CDH2: variants seen among roughly 807,000 people sequenced by gnomAD.
The protein encoded by CDH2 is cadherin-2.
A neutral mutation model predicts 92.0 loss-of-function variants in CDH2; 17 were observed. That is an observed-to-expected ratio of 0.18 (90% CI 0.13 to 0.28). The LOEUF (loss-of-function observed/expected upper bound fraction) is 0.28, where lower values mean the gene tolerates loss of function less well. Ranked by LOEUF, CDH2 falls within the 10% of genes least tolerant of loss-of-function variation. The pLI is 1.00. For missense variants in CDH2, 862 were observed against 1,133.1 expected (o/e 0.76, Z 3.44); for synonymous variants, 419 against 415.9 (o/e 1.01, Z -0.09).
At chr18:27,947,828 G>A (rs1379018803), downstream of CDH2, among the ~76,000 whole-genome samples, 1 of 151,934 alleles carries the variant, frequency 6.6e-6, no homozygotes, top group Non-Finnish European at 1.5e-5. Context: ...ATAAGTGTAT[G>A]TGATATAAGT....
At chr18:28,048,982 T>C (rs1159166531) in intron 2 of CDH2, among the ~76,000 whole-genome samples, 1 of 152,182 alleles carries the variant, frequency 6.6e-6, no homozygotes. Flanking sequence ...CACTCCAGCA[T>C]GAACCTAGAG....
At chr18:28,157,406 A>G (rs1045036831) in intron 1 of CDH2, among the ~76,000 whole-genome samples, 4 of 152,228 alleles carry the variant, frequency 2.6e-5, no homozygotes, top group East Asian at 1.9e-4. Flanking sequence ...TCCATGCAAT[A>G]TATCTTAAAT....
intron 2 of CDH2, among the ~76,000 whole-genome samples, chr18:28,037,081 A>C (rs553216813): frequency 6.6e-6 from 1 of 152,228 alleles, no homozygotes; most frequent in Non-Finnish European, 1.5e-5. Context: ...CAAAGTGCTT[A>C]CAACATAATT....
rs371064154 is a variant in CDH2 at position 28,076,157 on chromosome 18, T to C, written c.173-62248A>G. Among the ~76,000 whole-genome samples the C allele has an allele frequency of 2.0e-5, 3 of 152,316 alleles. No homozygotes were observed. In the East Asian group the frequency reaches 5.8e-4, roughly 29 times the overall value. On this transcript the variant is annotated intron_variant, in intron 2 of 15. Transcript: ENST00000269141. ...AGTTTAGATAAGTGATATGATTTGTTCAGATTCATACAGCAGAACCAAGGG... is the reference window on the plus strand; with the variant it reads ...AGTTTAGATAAGTGATATGATTTGTCCAGATTCATACAGCAGAACCAAGGG...
At chr18:28,008,690 C>T (rs2013011640) in intron 5 of CDH2, among the ~76,000 whole-genome samples, 1 of 151,096 alleles carries the variant, frequency 6.6e-6, no homozygotes, top group South Asian at 2.1e-4. Context: ...CACATGTATA[C>T]ATGTGACAAA....
downstream of CDH2, among the ~76,000 whole-genome samples, chr18:27,948,608 C>T (rs1186922030): frequency 6.6e-6 from 1 of 150,888 alleles, no homozygotes; most frequent in Non-Finnish European, 1.5e-5. Flanking sequence ...ACACAAATAA[C>T]TCAACAGGGA....
chr18:28,176,879 C>A, intron 1 of CDH2, 84 bp downstream of exon 1: 1 of 765,214 alleles, frequency 1.3e-6, no homozygotes, highest in Non-Finnish European at 1.7e-6. Flanking sequence ...GCAGCCCGGC[C>A]CCGCAGCGGC....
chr18:28,051,794 T>A (rs1032936665), intron 2 of CDH2, among the ~76,000 whole-genome samples: 9 of 152,120 alleles, frequency 5.9e-5, no homozygotes, highest in Non-Finnish European at 1.0e-4. Context: ...TACTGTTATA[T>A]CTTTTACTAC....
chr18:28,139,695 A>T (rs1336066285), intron 2 of CDH2, among the ~76,000 whole-genome samples: 1 of 151,818 alleles, frequency 6.6e-6, no homozygotes. Flanking sequence ...TACCTCACTG[A>T]TCACTCTTAC....
chr18:28,088,887 C>A (rs2014986610), intron 2 of CDH2, among the ~76,000 whole-genome samples: 1 of 151,980 alleles, frequency 6.6e-6, no homozygotes, highest in Non-Finnish European at 1.5e-5. Flanking sequence ...CTGGGTGTCA[C>A]AAAAAGACTA....
chr18:28,125,134 G>A (rs1436436490), intron 2 of CDH2, among the ~76,000 whole-genome samples: 1 of 152,092 alleles, frequency 6.6e-6, no homozygotes. Flanking sequence ...TCCTCTAAAG[G>A]TCAAGAAGAC....
At chr18:27,976,739 T>C (rs1275736763) in intron 14 of CDH2, among the ~76,000 whole-genome samples, 4 of 152,224 alleles carry the variant, frequency 2.6e-5, no homozygotes, top group African/African-American at 7.2e-5. Context: ...GCTATTAGTA[T>C]AGAGAATGAA....
chr18:28,045,807 C>A (rs2014063707), intron 2 of CDH2, among the ~76,000 whole-genome samples: 1 of 152,150 alleles, frequency 6.6e-6, no homozygotes, highest in Non-Finnish European at 1.5e-5. Context: ...CAGAGCCCGG[C>A]ACAAAACAGG....
At chr18:28,135,136 C>T (rs2144303402) in intron 2 of CDH2, among the ~76,000 whole-genome samples, 3 of 152,276 alleles carry the variant, frequency 2.0e-5, no homozygotes, top group Middle Eastern at 6.8e-3. Flanking sequence ...TTCTACCTGA[C>T]TCATAGGGTG....
intron 15 of CDH2, among the ~76,000 whole-genome samples, chr18:27,956,461 C>T (rs751909907): frequency 7.9e-5 from 12 of 152,110 alleles, no homozygotes; most frequent in Admixed American, 1.3e-4. Flanking sequence ...CATTATCCAG[C>T]GAGGAACACA....
intron 15 of CDH2, among the ~76,000 whole-genome samples, chr18:27,957,767 A>G (rs2011288849): frequency 1.3e-5 from 2 of 152,196 alleles, no homozygotes; most frequent in Admixed American, 6.5e-5. Context: ...GCTAGAATCT[A>G]GATTTAAGAC....
At chr18:28,088,864 T>A (rs1310387908) in intron 2 of CDH2, among the ~76,000 whole-genome samples, 1 of 151,924 alleles carries the variant, frequency 6.6e-6, no homozygotes, top group Non-Finnish European at 1.5e-5. Flanking sequence ...GGAGAGAAAA[T>A]ACAAATTCTA....
intron 2 of CDH2, among the ~76,000 whole-genome samples, chr18:28,049,080 G>C (rs2014138359): frequency 6.6e-6 from 1 of 152,026 alleles, no homozygotes; most frequent in Non-Finnish European, 1.5e-5. Flanking sequence ...AATACACAGT[G>C]ATTTTATTTT....
chr18:28,166,343 C>T (rs764966123), intron 1 of CDH2, among the ~76,000 whole-genome samples: 49 of 151,714 alleles, frequency 3.2e-4, no homozygotes, highest in Non-Finnish European at 6.2e-4. Context: ...CTGTTATCGA[C>T]GTTTGAGTAC....
Sources: allele counts gnomAD v4.1 joint callset (sites outside exome capture counted in the v4.1 genomes callset), GRCh38; gene constraint gnomAD v4.1.1; transcripts MANE v1.5; gene names NCBI Gene and HGNC (gene_info 2026-07-23, HGNC 2026-07-21).